Variants in SPACA3 observed in about 807,000 individuals in gnomAD.
SPACA3 encodes sperm acrosome membrane-associated protein 3.
SPACA3 carries 21 observed loss-of-function variants against 24.5 expected under a neutral mutation model. The observed-to-expected ratio is 0.86, with a 90% CI of 0.61 to 1.24. The LOEUF is 1.24. Ranked by LOEUF, SPACA3 falls within the 50% of genes most tolerant of loss-of-function variation. The pLI is 0.00. For missense variants in SPACA3, 278 were observed against 275.5 expected (o/e 1.01, Z -0.06); for synonymous variants, 115 against 106.9 (o/e 1.08, Z -0.47).
chr17:32,997,347 A>T (rs545399293), intron 3 of SPACA3, 98 bp from the exon 4 acceptor site: 398 of 763,836 alleles, frequency 5.2e-4, no homozygotes, highest in Non-Finnish European at 7.6e-4. Flanking sequence ...GTGTGTGTAG[A>T]GAGAGAGAGA....
rs1168885571 is a variant in SPACA3, at chr17:32,995,615, C to T, written c.241C>T (p.Leu81=). 1 of 1,614,256 alleles carries T rather than the reference C, an allele frequency of 6.2e-7. No homozygotes were observed. The change falls in exon 2 of 5, where the codon CTG becomes TTG. Residue 81 remains leucine (L), a synonymous_variant. Coordinates refer to ENST00000269053, the MANE Select transcript of SPACA3 (RefSeq NM_173847.5). ...LLALVCLLSC[L]LPSSEAKLYG... ...GGCCCTGGTCTGTCTGCTCAGCTGC[C>T]TGCTACCCTCCAGTGAGGCCAAGCT...
chr17:32,992,697 T>C (rs1382336560), intron 1 of SPACA3, among the ~76,000 whole-genome samples: 1 of 152,122 alleles, frequency 6.6e-6, no homozygotes, highest in Non-Finnish European at 1.5e-5. Context: ...CCTTCAAGTA[T>C]GAGTCAGAGT....
intron 1 of SPACA3, 136 bp downstream of exon 1, chr17:32,992,108 G>T: frequency 1.4e-6 from 1 of 718,884 alleles, no homozygotes; most frequent in Non-Finnish European, 2.2e-6. Flanking sequence ...AGCTGAGAGA[G>T]GAGAGAGAGA....
chr17:32,991,882 G>C lies in SPACA3; in HGVS notation c.-57G>C. The C allele has an allele frequency of 6.2e-7, 1 of 1,613,050 alleles. No individual in the cohort carries two copies. The highest frequency in any genetic ancestry group is 8.5e-7 in the Non-Finnish European group (1 of 1,179,284). On this transcript the variant is annotated 5_prime_UTR_variant, in exon 1 of 5. Coordinates refer to ENST00000269053, the MANE Select transcript of SPACA3 (RefSeq NM_173847.5). ...GCCTGGGGCCCTGGCAAGGTTGTGG[G>C]GGACATCTTGAGCTGAAGCAGGGTT...
At position 32,997,370 on chromosome 17, in the gene SPACA3, TACAC is replaced by T; in HGVS notation, c.503-72_503-69del. 2.9e-6 allele frequency: 3 copies of T among 1,052,526 alleles called. No individual in the cohort carries two copies. The East Asian group carries it at 7.2e-5, about 25-fold the overall frequency. The allele number at this position is 1,052,526 out of a possible 1,614,324, so 65.2% of individuals were successfully genotyped here. A position where few individuals can be genotyped will look rare whatever the true frequency, so the allele number is the denominator to read the frequency against. The stretch of plus-strand genomic sequence containing the variant: ...AGAGAGAGAGAGAGAGACAGACAGA[TACAC>T]ACTCACACACACACACACACACCTG... On this transcript the variant is annotated intron_variant, in intron 3 of 4. Coordinates refer to ENST00000269053, the MANE Select transcript of SPACA3 (RefSeq NM_173847.5).
chr17:32,997,813 GTGGTT>G lies in SPACA3; in HGVS notation c.*41_*45del, dbSNP rs778936238. ...AACCATGCACAGCAGGCTGGGAAAT[GTGGTT>G]TGGTTCCTGACCTAGGCTTGGGAAG... is the stretch of plus-strand genomic sequence containing the variant. On this transcript the variant is annotated 3_prime_UTR_variant, in exon 5 of 5. Coordinates refer to ENST00000269053, the MANE Select transcript of SPACA3 (RefSeq NM_173847.5). 3.3e-5 allele frequency: 53 copies of G among 1,611,696 alleles called. 1 individual carries two copies. The African/African-American group carries it at 6.0e-4, about 18-fold the overall frequency.
chr17:32,993,044 G>A (rs780175222), intron 1 of SPACA3: 27 of 444,112 alleles, frequency 6.1e-5, no homozygotes, highest in Non-Finnish European at 9.7e-5. Flanking sequence ...CGGAGGGAAG[G>A]TGGAATCCAC....
At chr17:32,997,079 A>G (rs1012014586) in intron 3 of SPACA3, 78 bp downstream of exon 3, 28 of 1,448,360 alleles carry the variant, frequency 1.9e-5, no homozygotes, top group Non-Finnish European at 2.5e-5. Flanking sequence ...TTAGTTTGCT[A>G]CCCCCATCTC....
Position 32,995,607 on chromosome 17 carries a change from T to C in SPACA3, c.233T>C (p.Leu78Pro). ...GIMLLALVCL[L>P]SCLLPSSEAK... The stretch of plus-strand genomic sequence containing the variant: ...ATGTTGTTGGCCCTGGTCTGTCTGC[T>C]CAGCTGCCTGCTACCCTCCAGTGAG... Residue 78 changes from leucine (L) to proline (P), a missense_variant, in exon 2 of 5, where the codon CTC (leucine) becomes CCC (proline). By Grantham distance (98) the Leu-to-Pro change is moderately conservative (BLOSUM62 -3). Coordinates refer to ENST00000269053, the MANE Select transcript of SPACA3 (RefSeq NM_173847.5). The C allele has an allele frequency of 6.2e-7, 1 of 1,614,248 alleles. No individual in the cohort carries two copies. Among genetic ancestry groups the C allele is most frequent in the Non-Finnish European group, 8.5e-7 (1 of 1,180,032 alleles).
intron 2 of SPACA3, among the ~76,000 whole-genome samples, chr17:32,996,300 C>T (rs2091721389): frequency 6.6e-6 from 1 of 152,074 alleles, no homozygotes; most frequent in Admixed American, 6.5e-5. Flanking sequence ...ACCAGCCAGG[C>T]CAATATGGCG....
intron 1 of SPACA3, among the ~76,000 whole-genome samples, chr17:32,993,560 A>G (rs2091704232): frequency 6.6e-6 from 1 of 152,164 alleles, no homozygotes. Context: ...GGCGGACGGC[A>G]TGAGTACAGC....
chr17:32,997,388 C>A, intron 3 of SPACA3, 57 bp from the exon 4 acceptor site: 1 of 1,401,952 alleles, frequency 7.1e-7, no homozygotes, highest in Non-Finnish European at 1.0e-6. Context: ...CACACACACA[C>A]ACACACACCT....
chr17:32,997,346 G>GTGT (rs2091728584), intron 3 of SPACA3, 99 bp from the exon 4 acceptor site: 30 of 394,318 alleles, frequency 7.6e-5, no homozygotes, highest in East Asian at 2.9e-4. Context: ...TGTGTGTGTA[G>GTGT]AGAGAGAGAG....
chr17:32,997,627 A>G (rs1567712608), intron 4 of SPACA3, 85 bp from the exon 5 acceptor site: 1 of 1,549,932 alleles, frequency 6.5e-7, no homozygotes, highest in Non-Finnish European at 8.9e-7. Flanking sequence ...TTTAGAGACC[A>G]CACTCTCCTT....
chr17:32,997,793 T>G lies in SPACA3; in HGVS notation c.*15T>G. 1 of 1,614,028 alleles carries G rather than the reference T, an allele frequency of 6.2e-7. No homozygotes were observed. Among genetic ancestry groups the G allele is most frequent in the Non-Finnish European group, 8.5e-7 (1 of 1,179,884 alleles). ...GTGACTTCTAGGATGGACGGAACCA[T>G]GCACAGCAGGCTGGGAAATGTGGTT... is the stretch of plus-strand genomic sequence containing the variant. On this transcript the variant is annotated 3_prime_UTR_variant, in exon 5 of 5. Coordinates refer to ENST00000269053, the MANE Select transcript of SPACA3 (RefSeq NM_173847.5).
intron 1 of SPACA3, 93 bp downstream of exon 1, chr17:32,992,065 A>G: frequency 2.1e-6 from 3 of 1,407,654 alleles, no homozygotes; most frequent in Non-Finnish European, 2.9e-6. Flanking sequence ...GGTGGTGGTT[A>G]GGGTGGGGTT....
At chr17:32,993,074 G>C (rs1328659533) in intron 1 of SPACA3, 1 of 396,636 alleles carries the variant, frequency 2.5e-6, no homozygotes, top group Non-Finnish European at 5.1e-6. Flanking sequence ...GGACTGATTG[G>C]TTGGAACTGG....
In SPACA3 at chr17:32,997,128, G is replaced by A. The variant is rs1567712327; in HGVS notation, c.502+127G>A. ...CCCCACATCAGGCTGGGCCCACGGA[G>A]GAGAGGGAGATGGGACAAGGGATGA... On this transcript the variant is annotated intron_variant, in intron 3 of 4. Coordinates refer to ENST00000269053, the MANE Select transcript of SPACA3 (RefSeq NM_173847.5). The A allele has an allele frequency of 9.7e-6, 11 of 1,131,704 alleles. No individual in the cohort carries two copies. The East Asian group carries it at 2.3e-4, about 24-fold the overall frequency. 70.1% of individuals were successfully genotyped at this position (1,131,704 alleles called of 1,614,324 possible).
intron 1 of SPACA3, among the ~76,000 whole-genome samples, chr17:32,993,552 C>A (rs556145319): frequency 6.6e-6 from 1 of 152,090 alleles, no homozygotes. Flanking sequence ...CAGCGGGTGG[C>A]GGACGGCATG....
Sources: allele counts gnomAD v4.1 joint callset (sites outside exome capture counted in the v4.1 genomes callset), GRCh38; gene constraint gnomAD v4.1.1; transcripts MANE v1.5; gene names NCBI Gene and HGNC (gene_info 2026-07-23, HGNC 2026-07-21).